NBPF20: variants seen among roughly 807,000 people sequenced by gnomAD.
NBPF20 encodes the protein NBPF family member NBPF20.
NBPF20 carries 90 observed loss-of-function variants against 68.1 expected under a neutral mutation model. The observed-to-expected ratio is 1.32, with a 90% CI of 1.11 to 1.58. The LOEUF is 1.58. NBPF20 is among the 40% of genes most tolerant of loss of function. The probability of loss-of-function intolerance (pLI) is 0.00; values close to 1 mark genes in which losing one functional copy is unlikely to be tolerated. For missense variants in NBPF20, 816 were observed against 601.2 expected (o/e 1.36, Z -3.74); for synonymous variants, 290 against 228.1 (o/e 1.27, Z -2.45).
intron 8 of NBPF20, 47 bp downstream of exon 13, chr1:145,394,931 C>T: frequency 6.2e-7 from 1 of 1,610,366 alleles, no homozygotes. Context: ...TGGGGTCTAC[C>T]TGGGCCATGA....
exon 138 of NBPF20, chr1:145,291,499 G>C (rs782447361): frequency 1.6e-5 from 25 of 1,612,054 alleles, no homozygotes; most frequent in East Asian, 2.2e-5. Context: ...CTGCAGGAAT[G>C]ACATCTCTCG....
intron 7 of NBPF20, among the ~76,000 whole-genome samples, chr1:145,395,555 A>G (rs1662187310): frequency 2.7e-5 from 4 of 148,984 alleles, no homozygotes. Context: ...CATTTTCCCA[A>G]TATTTTGATA....
exon 138 of NBPF20, chr1:145,291,602 A>G (rs1553657632): frequency 6.2e-7 from 1 of 1,611,972 alleles, no homozygotes; most frequent in Admixed American, 1.7e-5. Context: ...CCTATTGTCC[A>G]CGTAAAGGGC....
At chr1:145,291,825 C>T (rs879981440) in intron 137 of NBPF20, 56 bp from the exon 143 acceptor site, 10 of 1,611,350 alleles carry the variant, frequency 6.2e-6, no homozygotes, top group Middle Eastern at 2.2e-4. Context: ...AACCACAGAG[C>T]CCCACTAGAT....
intron 2 of NBPF20, among the ~76,000 whole-genome samples, chr1:145,404,539 G>T (rs1432993443): frequency 6.6e-6 from 1 of 152,118 alleles, no homozygotes; most frequent in Non-Finnish European, 1.5e-5. Flanking sequence ...TTACAGGAGT[G>T]AGCCACGTTG....
chr1:145,306,247 A>G, intron 119 of NBPF20, among the ~76,000 whole-genome samples, 182 bp from the exon 125 acceptor site: 1 of 146,046 alleles, frequency 6.8e-6, no homozygotes, highest in East Asian at 2.2e-4. Flanking sequence ...AAAGAATGAA[A>G]GAGAAAGACA....
rs1390186507 is a variant in NBPF20, at chr1:145,393,227, C to G, written c.1063G>C (p.Asp355His). ...TGCAAGACTTCAGGCCCTTTCTCATCCAGCAGCTCCCTGCTGAGCCTGGAA... is the reference window on the plus strand; with the variant it reads ...TGCAAGACTTCAGGCCCTTTCTCATGCAGCAGCTCCCTGCTGAGCCTGGAA... Residue 355 changes from aspartate to histidine, a missense_variant, in exon 10 of 138, where the codon GAT becomes CAT. Coordinates refer to ENST00000369373, the Ensembl canonical transcript of NBPF20. The G allele has an allele frequency of 3.4e-5, 21 of 621,418 alleles. No homozygotes were observed. The East Asian group carries it at 4.5e-4, about 13-fold the overall frequency. 38.5% of individuals were successfully genotyped at this position (621,418 alleles called of 1,614,324 possible). A position where few individuals can be genotyped will look rare whatever the true frequency, so the allele number is the denominator to read the frequency against.
rs1236238503 is a variant in NBPF20 at position 145,393,941 on chromosome 1, A to C, written c.992-6T>G. On this transcript the variant is annotated splice_region_variant and splice_polypyrimidine_tract_variant and intron_variant, in intron 8 of 137. Transcript: ENST00000369373. The stretch of plus-strand genomic sequence containing the variant: ...CACTTGATCCCACCGATGTCCTGCA[A>C]ATAAATTCAGATGGGCCCTCTTACA... 5 of 1,342,090 alleles carry C rather than the reference A, an allele frequency of 3.7e-6. No individual in the cohort carries two copies. The highest frequency in any genetic ancestry group is 5.3e-6 in the Non-Finnish European group (5 of 946,078). The allele number at this position is 1,342,090 out of a possible 1,614,324, so 83.1% of individuals were successfully genotyped here.
At chr1:145,291,402 C>T (rs497410) in exon 138 of NBPF20, 2 of 1,590,838 alleles carry the variant, frequency 1.3e-6, no homozygotes, top group Non-Finnish European at 1.7e-6. Context: ...AATAGGAATA[C>T]AGCCATGCCC....
In NBPF20 at chr1:145,400,384, G is replaced by T. The variant is rs1662463630; in HGVS notation, c.775+2C>A. 18 of 1,612,636 alleles carry T rather than the reference G, an allele frequency of 1.1e-5. No individual in the cohort carries two copies. Among genetic ancestry groups the T allele is most frequent in the East Asian group, 2.2e-5 (1 of 44,888 alleles). ...GGTATGAGACACAAGGAAAACAGAGGCTACCTGGAATAATGTGTACAGCAT... is the reference window on the plus strand; with the variant it reads ...GGTATGAGACACAAGGAAAACAGAGTCTACCTGGAATAATGTGTACAGCAT... On this transcript the variant is annotated splice_donor_variant, in intron 6 of 137. Coordinates refer to ENST00000369373, the Ensembl canonical transcript of NBPF20. LOFTEE classifies it high-confidence loss of function.
chr1:145,298,459 T>C (rs1467147150), intron 129 of NBPF20, among the ~76,000 whole-genome samples: 5 of 130,304 alleles, frequency 3.8e-5, no homozygotes, highest in South Asian at 2.8e-4. Context: ...CACTCTGAGT[T>C]AGTGCCCTCA....
Position 145,296,012 on chromosome 1 carries a change from G to A in NBPF20, c.16138+326C>T, listed in dbSNP as rs1175232963. On this transcript the variant is annotated intron_variant, in intron 132 of 137. Coordinates refer to ENST00000369373, the Ensembl canonical transcript of NBPF20. ...GAGGATTTTAGACGCTGAAATTAGAGTGAAGGATGAAATCTACAAGATCTA... is the reference window on the plus strand; with the variant it reads ...GAGGATTTTAGACGCTGAAATTAGAATGAAGGATGAAATCTACAAGATCTA... 9 of 163,234 alleles carry A rather than the reference G, an allele frequency of 5.5e-5. 1 individual carries two copies. The highest frequency in any genetic ancestry group is 9.1e-5 in the Non-Finnish European group (9 of 99,242). 10.1% of individuals were successfully genotyped at this position (163,234 alleles called of 1,614,324 possible).
intron 2 of NBPF20, among the ~76,000 whole-genome samples, chr1:145,404,550 C>A (rs1206946408): frequency 6.6e-6 from 1 of 152,146 alleles, no homozygotes; most frequent in Non-Finnish European, 1.5e-5. Context: ...AGCCACGTTG[C>A]ACGGCCCCTA....
intron 2 of NBPF20, among the ~76,000 whole-genome samples, chr1:145,404,642 T>G: frequency 6.6e-6 from 1 of 152,282 alleles, no homozygotes; most frequent in Middle Eastern, 3.4e-3. Flanking sequence ...TCAGAGCAGG[T>G]ACTGGCTACT....
In NBPF20 at chr1:145,291,580, C is replaced by G. The variant is rs587767920; in HGVS notation, c.16887G>C (p.Leu5629Phe). 4.8e-5 allele frequency: 78 copies of G among 1,611,966 alleles called. 1 individual carries two copies. The South Asian group carries it at 8.5e-4, about 17-fold the overall frequency. The change falls in exon 138 of 138, where the codon TTG becomes TTC. Residue 5629 changes from leucine to phenylalanine, a missense_variant. Coordinates refer to ENST00000369373, the Ensembl canonical transcript of NBPF20. ...ACACCAGGTGGAGACTTGTCACCGT[C>G]AAAGTAAAAAACCTATTGTCCACGT...
intron 8 of NBPF20, 117 bp downstream of exon 13, chr1:145,394,861 G>C (rs1192516793): frequency 1.1e-4 from 176 of 1,576,932 alleles, no homozygotes; most frequent in Non-Finnish European, 1.5e-4. Flanking sequence ...TTGATATATA[G>C]GTTCAGCCCA....
rs1406372879 is a variant in NBPF20 at position 145,403,148 on chromosome 1, C to T, written c.278+68G>A. 594 of 1,588,764 alleles carry T rather than the reference C, an allele frequency of 3.7e-4. 5 individuals are homozygous for T. Among genetic ancestry groups the T allele is most frequent in the Non-Finnish European group, 2.8e-5 (32 of 1,160,044 alleles). On this transcript the variant is annotated intron_variant, in intron 3 of 137. Coordinates refer to ENST00000369373, the Ensembl canonical transcript of NBPF20. ...GCCCAGCTTAGCTCTTACGTCTCCCCACCGAGCTGCTGTATTTCAGAGATT... is the reference window on the plus strand; with the variant it reads ...GCCCAGCTTAGCTCTTACGTCTCCCTACCGAGCTGCTGTATTTCAGAGATT...
At chr1:145,402,767 T>G (rs1553665746) in intron 3 of NBPF20, among the ~76,000 whole-genome samples, 5 of 147,502 alleles carry the variant, frequency 3.4e-5, no homozygotes, top group South Asian at 4.5e-4. Flanking sequence ...TGAGGCCAGG[T>G]GCAGATGGGG....
At chr1:145,403,051 T>A (rs1553665847) in intron 3 of NBPF20, among the ~76,000 whole-genome samples, 165 bp downstream of exon 8, 1 of 152,076 alleles carries the variant, frequency 6.6e-6, no homozygotes, top group Admixed American at 6.6e-5. Context: ...TACATTTTTA[T>A]TATCCTTCTT....
Sources: gnomAD v4.1 joint callset for allele counts (sites outside exome capture counted in the v4.1 genomes callset) on GRCh38, gnomAD v4.1.1 for gene constraint, MANE v1.5 for transcripts, NCBI Gene and HGNC (gene_info 2026-07-23, HGNC 2026-07-21) for gene names.